Variants in EOLA2 observed in about 807,000 individuals in gnomAD.
EOLA2 encodes the protein protein EOLA2.
A neutral mutation model predicts 4.1 loss-of-function variants in EOLA2; 3 were observed. The observed-to-expected ratio is 0.73, with a 90% CI of 0.33 to 1.89. EOLA2 has a LOEUF of 1.89. Ranked by LOEUF, EOLA2 falls within the 40% of genes most tolerant of loss-of-function variation. The pLI, the probability that EOLA2 is intolerant of heterozygous loss-of-function variation, is 0.08. For missense variants in EOLA2, 109 were observed against 126.4 expected, an observed-to-expected ratio of 0.86 and a Z score of 0.66; for synonymous variants, 52 against 51.7, an observed-to-expected ratio of 1.01 and a Z score of -0.03.
chrX:149,938,074 C>A (rs2091047800), intron 1 of EOLA2, 119 bp downstream of exon 1: 1 of 113,193 alleles, frequency 8.8e-6, no homozygotes, highest in Non-Finnish European at 1.9e-5. Context: ...CCAAAGGGCG[C>A]TTCGGGCGCG....
chrX:149,937,729 G>C (rs2091035627), intron 1 of EOLA2, among the ~76,000 whole-genome samples: 1 of 112,720 alleles, frequency 8.9e-6, no homozygotes, highest in African/African-American at 3.2e-5. Flanking sequence ...TCAGCAAGTT[G>C]AGTCACATTC....
downstream of EOLA2, chrX:149,930,187 G>A (rs2090857493): frequency 7.3e-6 from 8 of 1,096,024 alleles, no homozygotes; most frequent in African/African-American, 7.7e-5. Context: ...ATCTTCATAG[G>A]ACACCAATTT....
At chrX:149,935,043 G>A (rs1476449310) in intron 2 of EOLA2, among the ~76,000 whole-genome samples, 1 of 111,601 alleles carries the variant, frequency 9.0e-6, no homozygotes, top group African/African-American at 3.3e-5. Flanking sequence ...CCGCCCCCTG[G>A]CCCTGAACTC....
intron 2 of EOLA2, among the ~76,000 whole-genome samples, chrX:149,934,760 C>T (rs782717434): frequency 8.9e-6 from 1 of 112,426 alleles, no homozygotes; most frequent in African/African-American, 3.2e-5. Context: ...CACAGTCACA[C>T]GGGCTCTGAC....
rs1557374592 is a variant in EOLA2 at position 149,932,602 on chromosome X, T to G, written c.419A>C (p.Lys140Thr). 1.7e-6 allele frequency: 2 copies of G among 1,203,731 alleles called. No homozygotes were observed. The highest frequency in any genetic ancestry group is 2.2e-6 in the Non-Finnish European group (2 of 892,959). The part of the protein sequence containing the change: ...LLEPIPRKGG[K>T]DVFQVDIPEH... Reference sequence around the variant, plus strand: ...TGGGATGTCTACCTGGAATACATCCTTGCCTCCTTTCCTAGGTATGGGCTC... The same window carrying G: ...TGGGATGTCTACCTGGAATACATCCGTGCCTCCTTTCCTAGGTATGGGCTC... Residue 140 changes from lysine to threonine, a missense_variant, in exon 5 of 5, where the codon AAG becomes ACG. Physicochemically the swap from Lys to Thr is moderately conservative, Grantham distance 78. Transcript: ENST00000370406.
chrX:149,935,026 C>T (rs188167770), intron 2 of EOLA2, among the ~76,000 whole-genome samples: 3 of 112,111 alleles, frequency 2.7e-5, no homozygotes, highest in East Asian at 2.8e-4. Context: ...CCCTCAGGCC[C>T]GTGGCCCCGC....
intron 2 of EOLA2, 49 bp from the exon 3 acceptor site, chrX:149,934,186 G>C: frequency 1.1e-6 from 1 of 948,144 alleles, no homozygotes; most frequent in Non-Finnish European, 1.3e-6. Flanking sequence ...CTATGACAGA[G>C]GTCACCGAGC....
At chrX:149,933,121 C>T (rs1453043361) in intron 4 of EOLA2, among the ~76,000 whole-genome samples, 4 of 103,149 alleles carry the variant, frequency 3.9e-5, no homozygotes, top group Admixed American at 1.0e-4. Context: ...CTGAGCAGGT[C>T]ACCAGGGGAC....
chrX:149,934,531 C>T, intron 2 of EOLA2: 1 of 754,719 alleles, frequency 1.3e-6, no homozygotes, highest in Non-Finnish European at 1.6e-6. Context: ...CTTCCCCCAC[C>T]ACTGCTCTCC....
Position 149,932,742 on chromosome X carries a change from C to A in EOLA2, c.279G>T (p.Leu93Phe). 1.7e-6 allele frequency: 2 copies of A among 1,203,990 alleles called. No individual in the cohort carries two copies. ...IAGLVDIGET[L>F]QCPEDLTPDE... ...CGGGAGTTAAGTCTTCGGGGCATTG[C>A]AAAGTTTCCCCAATGTCAACGAGTC... Residue 93 changes from leucine (L) to phenylalanine (F), a missense_variant, in exon 5 of 5, where the codon TTG becomes TTT. Coordinates refer to ENST00000370406, the MANE Select transcript of EOLA2 (RefSeq NM_001013845.2).
At chrX:149,930,238 T>G (rs781972012), downstream of EOLA2, 160 of 1,076,018 alleles carry the variant, frequency 1.5e-4, 1 homozygote, top group East Asian at 5.0e-3. Context: ...AAGATAGCAT[T>G]TGAAAATGTG....
In EOLA2 at chrX:149,938,489, T is replaced by C. The variant is rs1287510712; in HGVS notation, c.-507A>G. On this transcript the variant is annotated 5_prime_UTR_variant, in exon 1 of 5. Transcript: ENST00000370406. ...GTCCCTTTCATGAGGAACGTACGTG[T>C]GCGCGTAATCACGCACGTACGTACA... The C allele has an allele frequency of 4.4e-5, 5 of 112,657 alleles. No homozygotes were observed. The highest frequency in any genetic ancestry group is 1.6e-4 in the African/African-American group (5 of 31,000). The allele number at this position is 112,657 out of a possible 1,213,427, so 9.3% of individuals were successfully genotyped here. A position where few individuals can be genotyped will look rare whatever the true frequency, so the allele number is the denominator to read the frequency against.
chrX:149,930,156 T>G (rs1263544335), downstream of EOLA2: 9 of 1,109,600 alleles, frequency 8.1e-6, no homozygotes, highest in Non-Finnish European at 6.0e-6. Context: ...CTGTAATCCC[T>G]TTTCTCTCTT....
At chrX:149,935,129 A>C (rs2090960478) in intron 2 of EOLA2, among the ~76,000 whole-genome samples, 1 of 101,846 alleles carries the variant, frequency 9.8e-6, no homozygotes. Flanking sequence ...ACGCTCTATG[A>C]TTTTAAGAAA....
chrX:149,937,221 C>A (rs1374114561), intron 2 of EOLA2, among the ~76,000 whole-genome samples: 1 of 112,208 alleles, frequency 8.9e-6, no homozygotes, highest in Non-Finnish European at 1.9e-5. Context: ...GGCTGAATGT[C>A]CCCCACAGGG....
At chrX:149,931,334 T>C (rs1557374224), downstream of EOLA2, 3 of 292,831 alleles carry the variant, frequency 1.0e-5, no homozygotes, top group East Asian at 5.8e-5. Context: ...ATACATCTCA[T>C]TGGCAGAAAC....
chrX:149,932,634 C>A lies in EOLA2; in HGVS notation c.387G>T (p.Trp129Cys). 8.3e-7 allele frequency: 1 copy of A among 1,206,915 alleles called. No homozygotes were observed. Among genetic ancestry groups the A allele is most frequent in the Non-Finnish European group, 1.1e-6 (1 of 893,988 alleles). The change falls in exon 5 of 5, where the codon TGG becomes TGT. Residue 129 changes from tryptophan (W) to cysteine (C), a missense_variant. Coordinates refer to ENST00000370406, the MANE Select transcript of EOLA2 (RefSeq NM_001013845.2). ...KYLTVISNPR[W>C]LLEPIPRKGG... ...CTTTCCTAGGTATGGGCTCCAGTAA[C>A]CACCTGGGGTTTGAAATCACAGTCA...
In EOLA2 at chrX:149,932,425, C is replaced by CA. The variant is rs1349372526; in HGVS notation, c.*118dup. 2 of 1,143,371 alleles carry CA rather than the reference C, an allele frequency of 1.7e-6. 1 individual carries two copies. Among genetic ancestry groups the CA allele is most frequent in the African/African-American group, 3.6e-5 (2 of 55,240 alleles). 94.2% of individuals were successfully genotyped at this position (1,143,371 alleles called of 1,213,427 possible). On this transcript the variant is annotated 3_prime_UTR_variant, in exon 5 of 5. Coordinates refer to ENST00000370406, the MANE Select transcript of EOLA2 (RefSeq NM_001013845.2). Reference sequence around the variant, plus strand: ...ACAGTGCTTAGTGGGTGGGACTCTCCAAAGCAGTGGAAATTCATCTTTAAC... The same window carrying CA: ...ACAGTGCTTAGTGGGTGGGACTCTCCAAAAGCAGTGGAAATTCATCTTTAAC...
chrX:149,934,636 C>G (rs1416700435), intron 2 of EOLA2: 1 of 751,900 alleles, frequency 1.3e-6, no homozygotes, highest in Non-Finnish European at 1.6e-6. Flanking sequence ...TTCCACGTGC[C>G]AGCCTCTGGG....
Sources: allele counts gnomAD v4.1 joint callset (sites outside exome capture counted in the v4.1 genomes callset), GRCh38; gene constraint gnomAD v4.1.1; transcripts MANE v1.5; gene names NCBI Gene and HGNC (gene_info 2026-07-23, HGNC 2026-07-21).